The following ZNF487 variants were observed in gnomAD, a reference collection of about 807,000 sequenced individuals.
ZNF487 encodes the protein KRAB domain only 1.
In ZNF487, 4 loss-of-function variants were observed where a neutral mutation model predicts 3.0. The observed-to-expected ratio is 1.35, with a 90% CI of 0.66 to 3.08. ZNF487 has a LOEUF of 3.08. Ranked by LOEUF, ZNF487 falls within the 30% of genes most tolerant of loss-of-function variation. ZNF487 has a pLI of 0.01. For missense variants in ZNF487, 146 were observed against 98.7 expected (o/e 1.48, Z -2.03); for synonymous variants, 55 against 34.6 (o/e 1.59, Z -2.06).
At chr10:43,487,929 C>CAAAAAAAA (rs76705594), downstream of ZNF487, among the ~76,000 whole-genome samples, 111 of 40,436 alleles carry the variant, frequency 2.7e-3, 2 homozygotes, top group East Asian at 8.1e-3. Flanking sequence ...TACCAAAATA[C>CAAAAAAAA]AAAAAAAAAA....
chr10:43,460,769 T>C (rs1589035590), intron 1 of ZNF487, among the ~76,000 whole-genome samples: 2 of 151,078 alleles, frequency 1.3e-5, no homozygotes, highest in East Asian at 3.9e-4. Context: ...CTCAGCTTAC[T>C]GCAACCTTTG....
chr10:43,512,004 C>T, the ZNF487 span, among the ~76,000 whole-genome samples: 1 of 152,238 alleles, frequency 6.6e-6, no homozygotes, highest in Non-Finnish European at 1.5e-5. Flanking sequence ...TATATAATCG[C>T]ACATGTGGCC....
the ZNF487 span, among the ~76,000 whole-genome samples, chr10:43,492,539 C>T: frequency 6.6e-6 from 1 of 151,584 alleles, no homozygotes; most frequent in East Asian, 1.9e-4. Flanking sequence ...GCAAGCTCCA[C>T]CTCCTGAGTT....
chr10:43,504,299 T>TC, the ZNF487 span, among the ~76,000 whole-genome samples: 1 of 129,582 alleles, frequency 7.7e-6, no homozygotes, highest in Non-Finnish European at 1.6e-5. Context: ...CTTTCTTTTT[T>TC]TTTTTTTTTT....
At chr10:43,502,424 A>G in the ZNF487 span, among the ~76,000 whole-genome samples, 1 of 152,140 alleles carries the variant, frequency 6.6e-6, no homozygotes, top group African/African-American at 2.4e-5. Flanking sequence ...CCTAATGTAA[A>G]TGATGAGTTA....
At chr10:43,470,273 T>C (rs1457244490) in intron 1 of ZNF487, among the ~76,000 whole-genome samples, 7 of 150,372 alleles carry the variant, frequency 4.7e-5, no homozygotes, top group Admixed American at 3.3e-4. Context: ...AGTGCAGTGG[T>C]GCCATCACGG....
intron 3 of ZNF487, among the ~76,000 whole-genome samples, chr10:43,478,281 G>A (rs1225747950): frequency 1.3e-5 from 2 of 151,964 alleles, no homozygotes; most frequent in Non-Finnish European, 2.9e-5. Flanking sequence ...TAGGCCAGGC[G>A]CGGTGGCTCA....
At chr10:43,478,860 C>T (rs905211357) in intron 3 of ZNF487, among the ~76,000 whole-genome samples, 2 of 149,232 alleles carry the variant, frequency 1.3e-5, no homozygotes, top group African/African-American at 4.9e-5. Flanking sequence ...CTCAGTGGAC[C>T]CAAATTTAGC....
intron 1 of ZNF487, among the ~76,000 whole-genome samples, chr10:43,465,397 G>A (rs1209708182): frequency 1.3e-5 from 2 of 148,698 alleles, no homozygotes; most frequent in South Asian, 2.1e-4. Flanking sequence ...CAGACGGGGC[G>A]GCTGCCGGGC....
chr10:43,499,609 G>A, the ZNF487 span, among the ~76,000 whole-genome samples: 1 of 152,012 alleles, frequency 6.6e-6, no homozygotes, highest in Non-Finnish European at 1.5e-5. Flanking sequence ...AAATTAGCCA[G>A]GCAAAGTGCC....
chr10:43,487,015 A>G (rs1215365837), downstream of ZNF487, among the ~76,000 whole-genome samples: 1 of 152,158 alleles, frequency 6.6e-6, no homozygotes, highest in Admixed American at 6.6e-5. Flanking sequence ...CATAGATATC[A>G]TTGTTTTCCC....
At chr10:43,479,956 C>CTCTT (rs1165448381) in intron 3 of ZNF487, among the ~76,000 whole-genome samples, 1,792 of 55,970 alleles carry the variant, frequency 0.032, 65 homozygotes, top group East Asian at 0.19. Context: ...GCACCTGACT[C>CTCTT]TCTTTCTTTC....
the ZNF487 span, among the ~76,000 whole-genome samples, chr10:43,512,043 C>A: frequency 6.6e-6 from 1 of 152,224 alleles, no homozygotes; most frequent in African/African-American, 2.4e-5. Context: ...AGTGCACAAC[C>A]AGGTGCACTG....
intron 1 of ZNF487, among the ~76,000 whole-genome samples, chr10:43,461,975 C>T (rs925000127): frequency 6.6e-6 from 1 of 152,160 alleles, no homozygotes; most frequent in African/African-American, 2.4e-5. Context: ...AAAAATTGTT[C>T]ACAGTTTACT....
chr10:43,474,863 A>G (rs954797291), intron 1 of ZNF487, among the ~76,000 whole-genome samples: 1 of 151,740 alleles, frequency 6.6e-6, no homozygotes, highest in Non-Finnish European at 1.5e-5. Flanking sequence ...GATTATAGGC[A>G]TGAGCCACCA....
chr10:43,438,599 A>G (rs965761702), intron 1 of ZNF487, among the ~76,000 whole-genome samples: 2 of 152,218 alleles, frequency 1.3e-5, no homozygotes, highest in African/African-American at 4.8e-5. Context: ...TAGAATTGCC[A>G]TATGATCCAG....
the ZNF487 span, among the ~76,000 whole-genome samples, chr10:43,514,387 T>G: frequency 6.6e-6 from 1 of 152,206 alleles, no homozygotes; most frequent in East Asian, 1.9e-4. Context: ...GTGATCCACC[T>G]GCCTTGGCCT....
At chr10:43,465,543 C>T (rs1025613039) in intron 1 of ZNF487, among the ~76,000 whole-genome samples, 32 of 151,230 alleles carry the variant, frequency 2.1e-4, no homozygotes, top group Admixed American at 2.6e-4. Flanking sequence ...TCCTCACATC[C>T]CTGACGGGGC....
At chr10:43,489,954 A>G in the ZNF487 span, among the ~76,000 whole-genome samples, 7 of 152,230 alleles carry the variant, frequency 4.6e-5, no homozygotes, top group Non-Finnish European at 1.0e-4. Flanking sequence ...CCAAATATCC[A>G]AAGGCAGATG....
Sources: gnomAD v4.1 joint callset for allele counts (sites outside exome capture counted in the v4.1 genomes callset) on GRCh38, gnomAD v4.1.1 for gene constraint, MANE v1.5 for transcripts, NCBI Gene and HGNC (gene_info 2026-07-23, HGNC 2026-07-21) for gene names.